SP4: variants seen among roughly 807,000 people sequenced by gnomAD.
SP4 encodes the protein transcription factor Sp4.
A neutral mutation model predicts 72.8 loss-of-function variants in SP4; 19 were observed. The observed-to-expected ratio is 0.26, with a 90% CI of 0.18 to 0.38. The LOEUF (loss-of-function observed/expected upper bound fraction) is 0.38. Among genes scored for constraint, SP4 ranks in the 10% least tolerant of loss-of-function variants. The pLI is 1.00. For missense variants in SP4, 1,008 were observed against 926.3 expected (o/e 1.09, Z -1.14); for synonymous variants, 395 against 333.1 (o/e 1.19, Z -2.02).
At chr7:21,451,680 A>G (rs1455238179) in intron 3 of SP4, among the ~76,000 whole-genome samples, 2 of 152,138 alleles carry the variant, frequency 1.3e-5, no homozygotes, top group Non-Finnish European at 2.9e-5. Context: ...GGAGTCCCCT[A>G]TAGAAGGGTG....
intron 3 of SP4, among the ~76,000 whole-genome samples, chr7:21,438,575 T>C (rs1486847674): frequency 6.6e-6 from 1 of 152,254 alleles, no homozygotes; most frequent in Non-Finnish European, 1.5e-5. Flanking sequence ...TTTAAACATA[T>C]GCTTTAGTTC....
chr7:21,431,958 G>A (rs189003859), intron 3 of SP4, among the ~76,000 whole-genome samples: 1 of 152,284 alleles, frequency 6.6e-6, no homozygotes, highest in Admixed American at 6.5e-5. Context: ...ATTGTAAATT[G>A]CCAGATAAAG....
At chr7:21,454,354 A>C (rs1234086727) in intron 3 of SP4, among the ~76,000 whole-genome samples, 1 of 64,660 alleles carries the variant, frequency 1.5e-5, no homozygotes, top group Non-Finnish European at 3.0e-5. Flanking sequence ...CCTTTTACTA[A>C]CTTTTTTTTT....
chr7:21,448,761 A>G (rs1285836903), intron 3 of SP4, among the ~76,000 whole-genome samples: 4 of 152,140 alleles, frequency 2.6e-5, no homozygotes, highest in Non-Finnish European at 5.9e-5. Flanking sequence ...CTAAATTATT[A>G]TGTGTGTATG....
intron 3 of SP4, among the ~76,000 whole-genome samples, chr7:21,442,006 TTGTG>T (rs58100749): frequency 0.01 from 1,357 of 130,472 alleles, 22 homozygotes; most frequent in East Asian, 0.036. Context: ...GTGTGTGTGT[TTGTG>T]TGTGTGTGTG....
At chr7:21,434,548 C>A (rs1449199171) in intron 3 of SP4, among the ~76,000 whole-genome samples, 1 of 152,126 alleles carries the variant, frequency 6.6e-6, no homozygotes, top group Admixed American at 6.5e-5. Context: ...TATGTGTATG[C>A]TCTGCATACT....
chr7:21,492,036 C>T (rs1243268674), intron 5 of SP4, among the ~76,000 whole-genome samples: 1 of 152,120 alleles, frequency 6.6e-6, no homozygotes, highest in African/African-American at 2.4e-5. Context: ...ACTGTTTTTC[C>T]TCTGCTGAAA....
intron 5 of SP4, among the ~76,000 whole-genome samples, chr7:21,486,345 T>C (rs1021909678): frequency 6.6e-6 from 1 of 152,142 alleles, no homozygotes; most frequent in Non-Finnish European, 1.5e-5. Context: ...CTTATGAGAA[T>C]TAAGAAATTA....
At chr7:21,510,291 A>G (rs1240189580) in intron 5 of SP4, among the ~76,000 whole-genome samples, 1 of 152,336 alleles carries the variant, frequency 6.6e-6, no homozygotes, top group Non-Finnish European at 1.5e-5. Context: ...GCACATCAGG[A>G]TAAACCAGTT....
At chr7:21,482,857 C>A in intron 5 of SP4, 1 of 529,116 alleles carries the variant, frequency 1.9e-6, no homozygotes, top group Non-Finnish European at 2.4e-6. Flanking sequence ...TTTCCTTGAA[C>A]TGCTATATAA....
intron 5 of SP4, among the ~76,000 whole-genome samples, chr7:21,484,737 A>G (rs1784768715): frequency 6.6e-6 from 1 of 151,862 alleles, no homozygotes; most frequent in Non-Finnish European, 1.5e-5. Context: ...AAAATTTTCT[A>G]CTTTGTTTGA....
intron 5 of SP4, among the ~76,000 whole-genome samples, chr7:21,489,966 A>G (rs1224814931): frequency 6.6e-6 from 1 of 152,140 alleles, no homozygotes; most frequent in Non-Finnish European, 1.5e-5. Flanking sequence ...ATTTTCTTAT[A>G]TAAATGTTTT....
intron 3 of SP4, among the ~76,000 whole-genome samples, chr7:21,432,079 A>C (rs1471654847): frequency 1.3e-5 from 2 of 152,212 alleles, no homozygotes; most frequent in Non-Finnish European, 2.9e-5. Flanking sequence ...TATGTTTTCT[A>C]TCTACCTAGC....
At chr7:21,452,235 C>T (rs957905287) in intron 3 of SP4, among the ~76,000 whole-genome samples, 5 of 152,172 alleles carry the variant, frequency 3.3e-5, no homozygotes, top group Admixed American at 6.5e-5. Context: ...AGCTTTAGTT[C>T]TGTTATACTT....
chr7:21,471,648 A>G (rs542399029), intron 3 of SP4, among the ~76,000 whole-genome samples: 140 of 152,266 alleles, frequency 9.2e-4, no homozygotes, highest in Non-Finnish European at 1.8e-3. Flanking sequence ...AGCGTGGGCA[A>G]CATAGTGAGA....
At chr7:21,481,244 C>T (rs1208066997) in intron 4 of SP4, among the ~76,000 whole-genome samples, 1 of 152,200 alleles carries the variant, frequency 6.6e-6, no homozygotes, top group Admixed American at 6.5e-5. Flanking sequence ...AGACATCTTG[C>T]CCCTCCTGGG....
At chr7:21,482,586 A>G in intron 5 of SP4, 5 of 865,500 alleles carry the variant, frequency 5.8e-6, no homozygotes, top group Non-Finnish European at 6.9e-6. Flanking sequence ...TTAATATTAT[A>G]TTTTCTGCTT....
intron 5 of SP4, among the ~76,000 whole-genome samples, chr7:21,504,530 A>G (rs1181713952): frequency 2.0e-5 from 3 of 152,180 alleles, no homozygotes; most frequent in Admixed American, 6.5e-5. Context: ...AAAGAGCCTT[A>G]TCCCATCATG....
chr7:21,457,188 T>C (rs1035939528), intron 3 of SP4, among the ~76,000 whole-genome samples: 1 of 152,216 alleles, frequency 6.6e-6, no homozygotes, highest in Non-Finnish European at 1.5e-5. Flanking sequence ...TAATATAACC[T>C]TTTATCATAG....
Sources: allele counts gnomAD v4.1 joint callset (sites outside exome capture counted in the v4.1 genomes callset), GRCh38; gene constraint gnomAD v4.1.1; transcripts MANE v1.5; gene names NCBI Gene and HGNC (gene_info 2026-07-23, HGNC 2026-07-21).